The following SCGB2B2 variants were observed in gnomAD, a reference collection of about 807,000 sequenced individuals.
SCGB2B2 encodes the protein secretoglobin family 2B member 2, also known as secretoglobin-like protein.
Under a neutral mutation model 7.6 loss-of-function variants are expected in SCGB2B2, and 11 were observed. The observed-to-expected ratio is 1.45, with a 90% CI of 0.91 to 2.40. The LOEUF is 2.40. Ranked by LOEUF, SCGB2B2 falls within the 30% of genes most tolerant of loss-of-function variation. SCGB2B2 has a pLI of 0.00. For synonymous variants in SCGB2B2, 50 were observed against 48.6 expected, an observed-to-expected ratio of 1.03 and a Z score of -0.12; for missense variants, 104 against 115.4, an observed-to-expected ratio of 0.90 and a Z score of 0.45.
downstream of SCGB2B2, among the ~76,000 whole-genome samples, chr19:34,585,770 A>T (rs2065179970): frequency 6.6e-6 from 1 of 152,150 alleles, no homozygotes; most frequent in Non-Finnish European, 1.5e-5. Flanking sequence ...TGGCTAATGG[A>T]TCCAGGTGGA....
chr19:34,589,088 G>A (rs536353586), downstream of SCGB2B2, among the ~76,000 whole-genome samples: 82 of 152,256 alleles, frequency 5.4e-4, no homozygotes, highest in Non-Finnish European at 9.4e-4. Flanking sequence ...GTGACGTGAT[G>A]AGACCTGGAC....
At chr19:34,615,613 C>T (rs2066051923) in intron 1 of SCGB2B2, among the ~76,000 whole-genome samples, 1 of 152,060 alleles carries the variant, frequency 6.6e-6, no homozygotes, top group Admixed American at 6.5e-5. Context: ...TGCCATGTTG[C>T]TGATGTTACT....
rs2065383800 is a variant in SCGB2B2 at position 34,594,366 on chromosome 19, A to G, written c.62-7T>C. 6.2e-7 allele frequency: 1 copy of G among 1,612,784 alleles called. No individual in the cohort carries two copies. The highest frequency in any genetic ancestry group is 1.3e-5 in the African/African-American group (1 of 74,874). On this transcript the variant is annotated splice_region_variant and splice_polypyrimidine_tract_variant and intron_variant, in intron 2 of 3. Transcript: ENST00000601241. ...ATATCCAGGCAGGCATCCCCTGTGG[A>G]GGATGAGGTGAGATAAGAAAACAGA... is the stretch of plus-strand genomic sequence containing the variant.
At chr19:34,616,272 A>C (rs8108800) in intron 1 of SCGB2B2, among the ~76,000 whole-genome samples, 48,371 of 141,216 alleles carry the variant, frequency 0.34, 8,849 homozygotes, top group Middle Eastern at 0.46. Flanking sequence ...ACACTGACTT[A>C]CACAATGGTT....
chr19:34,586,538 T>G (rs899540660), downstream of SCGB2B2, among the ~76,000 whole-genome samples: 1 of 152,240 alleles, frequency 6.6e-6, no homozygotes, highest in Non-Finnish European at 1.5e-5. Context: ...TGTTATTATT[T>G]CTTCAGAGAG....
Position 34,676,044 on chromosome 19 carries a change from T to C in SCGB2B2, c.-2446A>G, listed in dbSNP as rs1050153346. ...TAGACCCCAGCGCGGTTGCCGCTGG[T>C]TGTTCGGGTGGCCCGTTTTTATTCC... On this transcript the variant is annotated 5_prime_UTR_variant, in exon 1 of 4. Transcript: ENST00000601241. The C allele has an allele frequency of 1.3e-5, 2 of 152,342 alleles. No homozygotes were observed. Among genetic ancestry groups the C allele is most frequent in the Middle Eastern group, 3.4e-3 (1 of 296 alleles). 9.4% of individuals were successfully genotyped at this position (152,342 alleles called of 1,614,324 possible).
rs2065423100 is a variant in SCGB2B2, at chr19:34,595,431, G to A, written c.-868C>T. 1 of 152,688 alleles carries A rather than the reference G, an allele frequency of 6.5e-6. No homozygotes were observed. Among genetic ancestry groups the A allele is most frequent in the Non-Finnish European group, 1.5e-5 (1 of 68,052 alleles). 9.5% of individuals were successfully genotyped at this position (152,688 alleles called of 1,614,324 possible). Reference sequence around the variant, plus strand: ...TCTATAGCAATAGCAGTTTAAATGAGTCTCCTTTGTGCTCAAACAGCATAA... The same window carrying A: ...TCTATAGCAATAGCAGTTTAAATGAATCTCCTTTGTGCTCAAACAGCATAA... On this transcript the variant is annotated 5_prime_UTR_variant, in exon 2 of 4. Coordinates refer to ENST00000601241, the MANE Select transcript of SCGB2B2 (RefSeq NM_001025591.4).
intron 1 of SCGB2B2, among the ~76,000 whole-genome samples, chr19:34,621,625 A>G (rs2066244950): frequency 6.6e-6 from 1 of 152,190 alleles, no homozygotes; most frequent in African/African-American, 2.4e-5. Flanking sequence ...AAATATATCT[A>G]TAACTTGGAT....
chr19:34,640,278 CT>C (rs894152731), intron 1 of SCGB2B2: 49 of 147,234 alleles, frequency 3.3e-4, no homozygotes, highest in Admixed American at 6.1e-4. Flanking sequence ...TTTAATTTCT[CT>C]TTTTTTTTTT....
In SCGB2B2 at chr19:34,675,725, C is replaced by A; in HGVS notation, c.-2127G>T. 1 of 152,572 alleles carries A rather than the reference C, an allele frequency of 6.6e-6. No homozygotes were observed. Among genetic ancestry groups the A allele is most frequent in the South Asian group, 2.1e-4 (1 of 4,814 alleles). 9.5% of individuals were successfully genotyped at this position (152,572 alleles called of 1,614,324 possible). A position where few individuals can be genotyped will look rare whatever the true frequency, so the allele number is the denominator to read the frequency against. On this transcript the variant is annotated 5_prime_UTR_variant, in exon 1 of 4. It adds an upstream start codon to the 5' untranslated region. Transcript: ENST00000601241. ...GGCTTCAGGAGTGAAGCTGCAGACC[C>A]TCGCGGTGTGTGTTACAGCTCATAA...
chr19:34,602,883 C>T lies in SCGB2B2; in HGVS notation c.-2031-6289G>A, dbSNP rs150504588. The stretch of plus-strand genomic sequence containing the variant: ...TCCTCAGGTGTCCCATGTGAGTTTG[C>T]CATTTCTTTCCTGCAGGGACACTGA... On this transcript the variant is annotated intron_variant, in intron 1 of 3. Coordinates refer to ENST00000601241, the MANE Select transcript of SCGB2B2 (RefSeq NM_001025591.4). 1.1e-3 allele frequency among the ~76,000 whole-genome samples: 161 copies of T among 152,238 alleles called. No homozygotes were observed. In the East Asian group the frequency reaches 0.022, roughly 21 times the overall value.
intron 1 of SCGB2B2, chr19:34,608,685 A>ATATATATATATATATATATATATG (rs1489127995): frequency 7.6e-6 from 1 of 131,476 alleles, no homozygotes; most frequent in Non-Finnish European, 1.7e-5. Context: ...ATATATATAT[A>ATATATATATATATATATATATATG]CCGTATTTTC....
intron 1 of SCGB2B2, among the ~76,000 whole-genome samples, chr19:34,598,233 C>T (rs889923751): frequency 6.6e-6 from 1 of 152,150 alleles, no homozygotes; most frequent in African/African-American, 2.4e-5. Context: ...CAACTTGACA[C>T]AACACAACAT....
chr19:34,664,768 C>G (rs576259400), intron 1 of SCGB2B2, among the ~76,000 whole-genome samples: 68 of 152,312 alleles, frequency 4.5e-4, no homozygotes, highest in African/African-American at 1.5e-3. Context: ...CTCCCTTTCC[C>G]TGGCTCAGCC....
rs117043635 is a variant in SCGB2B2, at chr19:34,661,357, C to A, written c.-2032+14273G>T. ...ATTATTGTGATAAAATAAGGGAGACCAAAATAAATGGCAACATGTACCAGT... is the reference window on the plus strand; with the variant it reads ...ATTATTGTGATAAAATAAGGGAGACAAAAATAAATGGCAACATGTACCAGT... On this transcript the variant is annotated intron_variant, in intron 1 of 3. Transcript: ENST00000601241. Among the ~76,000 whole-genome samples the A allele has an allele frequency of 6.0e-3, 901 of 151,110 alleles. 31 individuals are homozygous for A. The East Asian group carries it at 0.1, about 18-fold the overall frequency.
chr19:34,675,195 T>C (rs1372808293), intron 1 of SCGB2B2, among the ~76,000 whole-genome samples: 1 of 152,196 alleles, frequency 6.6e-6, no homozygotes, highest in African/African-American at 2.4e-5. Context: ...AAAATAACCA[T>C]AAACTCTGGT....
At chr19:34,647,570 C>T (rs1409866434) in intron 1 of SCGB2B2, among the ~76,000 whole-genome samples, 2 of 127,622 alleles carry the variant, frequency 1.6e-5, no homozygotes, top group Non-Finnish European at 3.7e-5. Context: ...CGTCTTCTCG[C>T]CTTTGTCCCC....
intron 1 of SCGB2B2, among the ~76,000 whole-genome samples, chr19:34,620,656 A>G (rs997703681): frequency 6.6e-6 from 1 of 152,250 alleles, no homozygotes; most frequent in African/African-American, 2.4e-5. Context: ...CCTAGAACTT[A>G]AAGTATATAT....
chr19:34,648,512 A>AC, intron 1 of SCGB2B2, among the ~76,000 whole-genome samples: 1 of 152,304 alleles, frequency 6.6e-6, no homozygotes, highest in East Asian at 1.9e-4. Context: ...CCATGAGTCT[A>AC]CCCATAATCT....
Sources: gnomAD v4.1 joint callset for allele counts (sites outside exome capture counted in the v4.1 genomes callset) on GRCh38, gnomAD v4.1.1 for gene constraint, MANE v1.5 for transcripts, NCBI Gene and HGNC (gene_info 2026-07-23, HGNC 2026-07-21) for gene names.